RTN1: variants seen among roughly 807,000 people sequenced by gnomAD.
RTN1 encodes the protein reticulon-1.
A neutral mutation model predicts 65.5 loss-of-function variants in RTN1; 25 were observed. The ratio of observed to expected loss-of-function variants is 0.38; its 90% CI spans 0.28 to 0.53. RTN1 has a LOEUF of 0.53. RTN1 is among the 20% of genes least tolerant of loss of function. The probability of loss-of-function intolerance (pLI) is 0.79; values close to 1 mark genes in which losing one functional copy is unlikely to be tolerated. For synonymous variants in RTN1, 471 were observed against 447.6 expected, an observed-to-expected ratio of 1.05 and a Z score of -0.66; for missense variants, 983 against 1,025.4, an observed-to-expected ratio of 0.96 and a Z score of 0.57.
Position 59,607,375 on chromosome 14 carries a change from G to A in RTN1, c.1883C>T (p.Ala628Val). The change falls in exon 4 of 9, where the codon GCC becomes GTC. Residue 628 changes from alanine to valine, a missense_variant. By Grantham distance (64) the Ala-to-Val change is moderately conservative. This residue lies in a region of RTN1 where 165 missense variants were observed against 223.6 expected (regional missense o/e 0.74). Coordinates refer to ENST00000267484, the MANE Select transcript of RTN1 (RefSeq NM_021136.3). ...GATGGTGGCTGAGAGTGCGGCCAGG[G>A]CCAGGTAGGCCACGACGCTCACCAC... ...FSVVSVVAYL[A>V]LAALSATISF... is the part of the protein sequence containing the mutation. 1 of 1,613,628 alleles carries A rather than the reference G, an allele frequency of 6.2e-7. No individual in the cohort carries two copies.
chr14:59,741,513 G>T (rs541497720), intron 2 of RTN1, among the ~76,000 whole-genome samples: 2 of 152,164 alleles, frequency 1.3e-5, no homozygotes, highest in Non-Finnish European at 2.9e-5. Context: ...TCACTCACTC[G>T]TGAGTCCTGG....
intron 3 of RTN1, among the ~76,000 whole-genome samples, chr14:59,650,218 G>A (rs1882993563): frequency 6.6e-6 from 1 of 152,160 alleles, no homozygotes; most frequent in Admixed American, 6.5e-5. Flanking sequence ...CATGGACACA[G>A]GGAGGGGAAC....
chr14:59,636,797 T>A (rs1273513527), intron 3 of RTN1, among the ~76,000 whole-genome samples: 1 of 152,252 alleles, frequency 6.6e-6, no homozygotes, highest in Non-Finnish European at 1.5e-5. Flanking sequence ...TGTAGTCTAT[T>A]AATTGTGCAA....
chr14:59,853,035 C>G (rs1242810120), intron 1 of RTN1, among the ~76,000 whole-genome samples: 1 of 152,106 alleles, frequency 6.6e-6, no homozygotes, highest in Non-Finnish European at 1.5e-5. Context: ...GAAACTATTG[C>G]CCCTGTGTAA....
intron 3 of RTN1, among the ~76,000 whole-genome samples, chr14:59,708,970 G>A (rs1356739979): frequency 1.3e-5 from 2 of 152,190 alleles, no homozygotes; most frequent in Non-Finnish European, 2.9e-5. Flanking sequence ...AATAGAAGTT[G>A]AGAGATTTTT....
intron 1 of RTN1, among the ~76,000 whole-genome samples, chr14:59,771,443 T>G (rs572263436): frequency 1.3e-5 from 2 of 152,332 alleles, no homozygotes; most frequent in East Asian, 3.9e-4. Context: ...AAAACTCAAG[T>G]GCATCTGTGA....
chr14:59,819,845 G>A (rs1785093566), intron 1 of RTN1, among the ~76,000 whole-genome samples: 3 of 152,122 alleles, frequency 2.0e-5, no homozygotes, highest in East Asian at 3.9e-4. Context: ...GGCCGGTAGC[G>A]CCAGCCAGCC....
chr14:59,778,737 A>T (rs1414949468), intron 1 of RTN1, among the ~76,000 whole-genome samples: 2 of 152,202 alleles, frequency 1.3e-5, no homozygotes, highest in African/African-American at 2.4e-5. Context: ...AGTGCTTACC[A>T]AATAGACCAG....
intron 1 of RTN1, among the ~76,000 whole-genome samples, chr14:59,784,543 T>A (rs1161515429): frequency 2.6e-5 from 4 of 152,176 alleles, no homozygotes; most frequent in Admixed American, 2.6e-4. Flanking sequence ...AATCTACAGA[T>A]TTTTGCTGTT....
intron 1 of RTN1, among the ~76,000 whole-genome samples, chr14:59,749,464 CTAATCTATCTA>C (rs1350369632): frequency 3.1e-5 from 3 of 95,640 alleles, no homozygotes; most frequent in Admixed American, 1.6e-4. Flanking sequence ...CTATATATAT[CTAATCTATCTA>C]TATATCTATA....
intron 1 of RTN1, among the ~76,000 whole-genome samples, chr14:59,820,356 G>GTTTTTTTTTTTTT (rs34274539): frequency 8.8e-5 from 7 of 79,346 alleles, no homozygotes; most frequent in African/African-American, 1.9e-4. Flanking sequence ...CTTATTGATA[G>GTTTTTTTTTTTTT]TTTTTTTTTT....
At chr14:59,692,022 G>A (rs539860774) in intron 3 of RTN1, among the ~76,000 whole-genome samples, 7 of 152,150 alleles carry the variant, frequency 4.6e-5, no homozygotes, top group African/African-American at 1.7e-4. Context: ...CCTGAGAACT[G>A]GAACAAGAAA....
intron 3 of RTN1, among the ~76,000 whole-genome samples, chr14:59,634,259 T>C (rs542100084): frequency 6.6e-6 from 1 of 152,196 alleles, no homozygotes; most frequent in African/African-American, 2.4e-5. Flanking sequence ...CATGACAGAA[T>C]GTAATAATTG....
At chr14:59,823,945 G>C (rs1331381426) in intron 1 of RTN1, among the ~76,000 whole-genome samples, 3 of 152,160 alleles carry the variant, frequency 2.0e-5, no homozygotes, top group Non-Finnish European at 4.4e-5. Flanking sequence ...GTATTTCTCA[G>C]AGATTTTGTT....
intron 1 of RTN1, among the ~76,000 whole-genome samples, chr14:59,826,521 G>A (rs1485794389): frequency 2.0e-5 from 3 of 152,158 alleles, no homozygotes; most frequent in Admixed American, 6.5e-5. Context: ...GAAGCTCATT[G>A]GAAGCCCCAG....
chr14:59,705,601 T>C (rs1407722597), intron 3 of RTN1, among the ~76,000 whole-genome samples: 1 of 152,198 alleles, frequency 6.6e-6, no homozygotes, highest in Non-Finnish European at 1.5e-5. Flanking sequence ...TTTCTCCCTG[T>C]CCCAGATTTT....
At chr14:59,784,256 T>C (rs1436789012) in intron 1 of RTN1, among the ~76,000 whole-genome samples, 1 of 151,988 alleles carries the variant, frequency 6.6e-6, no homozygotes, top group Admixed American at 6.5e-5. Flanking sequence ...CTGATCAACA[T>C]GGAGAAACCT....
chr14:59,720,341 T>C lies in RTN1; in HGVS notation c.1765+6578A>G, dbSNP rs1353921626. ...AAAAGCCATGAATTCAGCTGGCTGC[T>C]GGCAGCCTCATCCAGGGTTGCCTAG... On this transcript the variant is annotated intron_variant, in intron 3 of 8. Transcript: ENST00000267484. Among the ~76,000 whole-genome samples the C allele has an allele frequency of 3.9e-5, 6 of 152,296 alleles. No homozygotes were observed. The East Asian group carries it at 9.7e-4, about 25-fold the overall frequency.
At chr14:59,750,392 C>CTATAATATATATTATATG (rs1885465730) in intron 1 of RTN1, among the ~76,000 whole-genome samples, 1 of 44,510 alleles carries the variant, frequency 2.2e-5, no homozygotes, top group South Asian at 8.2e-4. Flanking sequence ...TATATTATAT[C>CTATAATATATATTATATG]TATAATATAT....
Sources: gnomAD v4.1 joint callset for allele counts (sites outside exome capture counted in the v4.1 genomes callset) on GRCh38, gnomAD v4.1.1 for gene constraint, gnomAD v4.1.1 regional missense constraint, MANE v1.5 for transcripts, NCBI Gene and HGNC (gene_info 2026-07-23, HGNC 2026-07-21) for gene names.